The following PTPN14 variants were observed in gnomAD, a reference collection of about 807,000 sequenced individuals.
The protein encoded by PTPN14 is tyrosine-protein phosphatase non-receptor type 14.
PTPN14 carries 53 observed loss-of-function variants against 126.8 expected under a neutral mutation model. The ratio of observed to expected loss-of-function variants is 0.42; its 90% CI spans 0.34 to 0.53. The LOEUF (loss-of-function observed/expected upper bound fraction) is 0.53, where lower values mean the gene tolerates loss of function less well. PTPN14 is among the 20% of genes least tolerant of loss of function. PTPN14 has a pLI of 0.08. For missense variants in PTPN14, 1,257 were observed against 1,552.9 expected (o/e 0.81, Z 3.20); for synonymous variants, 630 against 599.3 (o/e 1.05, Z -0.75).
At chr1:214,445,930 C>A (rs1237850762) in intron 3 of PTPN14, among the ~76,000 whole-genome samples, 1 of 152,164 alleles carries the variant, frequency 6.6e-6, no homozygotes, top group Non-Finnish European at 1.5e-5. Flanking sequence ...TTACAAAAAT[C>A]TTTCCTTTGA....
At chr1:214,447,141 A>AC (rs1660161755) in intron 3 of PTPN14, among the ~76,000 whole-genome samples, 1 of 152,154 alleles carries the variant, frequency 6.6e-6, no homozygotes, top group Non-Finnish European at 1.5e-5. Flanking sequence ...CTGGAGAGTT[A>AC]GTCATTAACC....
At chr1:214,550,590 C>T (rs1022271098) in intron 1 of PTPN14, among the ~76,000 whole-genome samples, 4 of 152,184 alleles carry the variant, frequency 2.6e-5, no homozygotes. Flanking sequence ...GAGGTGAAGA[C>T]CTGATCTGAA....
chr1:214,403,090 T>G, intron 5 of PTPN14, 137 bp from the exon 6 acceptor site: 1 of 770,144 alleles, frequency 1.3e-6, no homozygotes, highest in Non-Finnish European at 2.1e-6. Flanking sequence ...GCTGTAGAAT[T>G]AAAGGTTGTA....
intron 3 of PTPN14, among the ~76,000 whole-genome samples, chr1:214,415,800 G>A (rs1659414137): frequency 6.6e-6 from 1 of 152,086 alleles, no homozygotes; most frequent in Admixed American, 6.6e-5. Context: ...GTACTAAACA[G>A]GATAAAGACA....
chr1:214,406,462 CAG>C (rs1346318021), intron 5 of PTPN14, among the ~76,000 whole-genome samples: 1 of 144,510 alleles, frequency 6.9e-6, no homozygotes, highest in Non-Finnish European at 1.5e-5. Flanking sequence ...GCCTGGGTGA[CAG>C]AGCGAGATTG....
At chr1:214,494,045 C>T (rs1468830556) in intron 1 of PTPN14, among the ~76,000 whole-genome samples, 1 of 151,968 alleles carries the variant, frequency 6.6e-6, no homozygotes, top group East Asian at 1.9e-4. Flanking sequence ...TCCTTAGTGC[C>T]TTCCTTTTCC....
chr1:214,367,859 C>T lies in PTPN14; in HGVS notation c.3271+1598G>A, dbSNP rs146386255. On this transcript the variant is annotated intron_variant, in intron 17 of 18. Transcript: ENST00000366956. ...GAGTACGTCGGAAGTGAAGACTGAA[C>T]TCAGTGTCATCTCTGCATTCTCAGA... Among the ~76,000 whole-genome samples the T allele has an allele frequency of 5.9e-3, 906 of 152,340 alleles. 12 individuals are homozygous for T. The highest frequency in any genetic ancestry group is 0.021 in the African/African-American group (854 of 41,572).
chr1:214,521,530 T>C (rs1655254347), intron 1 of PTPN14, among the ~76,000 whole-genome samples: 1 of 152,170 alleles, frequency 6.6e-6, no homozygotes, highest in African/African-American at 2.4e-5. Flanking sequence ...CTGGCTAACA[T>C]GGTGAAACCC....
intron 3 of PTPN14, among the ~76,000 whole-genome samples, chr1:214,419,698 A>G (rs1659501147): frequency 6.6e-6 from 1 of 152,136 alleles, no homozygotes; most frequent in Admixed American, 6.5e-5. Context: ...CAAAAAAAAG[A>G]GGGAAAAGAG....
intron 2 of PTPN14, among the ~76,000 whole-genome samples, chr1:214,455,575 T>G (rs1158625879): frequency 6.6e-6 from 1 of 152,152 alleles, no homozygotes; most frequent in Non-Finnish European, 1.5e-5. Context: ...ATAAGTTTAC[T>G]GCAATGATGA....
chr1:214,517,181 C>T (rs750892900), intron 1 of PTPN14, among the ~76,000 whole-genome samples: 1 of 152,184 alleles, frequency 6.6e-6, no homozygotes, highest in Non-Finnish European at 1.5e-5. Context: ...GCACAGCTAC[C>T]TCCTTCTGCC....
intron 10 of PTPN14, among the ~76,000 whole-genome samples, chr1:214,392,769 T>C (rs1413693080): frequency 1.3e-5 from 2 of 152,142 alleles, no homozygotes; most frequent in African/African-American, 2.4e-5. Context: ...CAGTGACCAA[T>C]TGCAGTGACT....
chr1:214,409,471 T>C (rs1037828884), intron 5 of PTPN14, among the ~76,000 whole-genome samples: 8 of 152,226 alleles, frequency 5.3e-5, no homozygotes, highest in African/African-American at 1.9e-4. Context: ...GATCTGCTAG[T>C]GAGAACTTAG....
In PTPN14 at chr1:214,356,042, T is replaced by A. The variant is rs1571946262; in HGVS notation, c.*1880A>T. 6.7e-6 allele frequency: 1 copy of A among 148,920 alleles called. No individual in the cohort carries two copies. Among genetic ancestry groups the A allele is most frequent in the African/African-American group, 2.5e-5 (1 of 40,094 alleles). 9.2% of individuals were successfully genotyped at this position (148,920 alleles called of 1,614,324 possible). ...GGCAAGATCACGGCTCACTGCAGTC[T>A]CGAATTCTTAGAATCAGGTGATCCT... On this transcript the variant is annotated 3_prime_UTR_variant, in exon 19 of 19. Coordinates refer to ENST00000366956, the MANE Select transcript of PTPN14 (RefSeq NM_005401.5).
intron 15 of PTPN14, among the ~76,000 whole-genome samples, chr1:214,374,231 T>A (rs1278699085): frequency 1.3e-5 from 2 of 152,258 alleles, no homozygotes; most frequent in African/African-American, 4.8e-5. Context: ...TAAAACTGTA[T>A]GCTAACTTGG....
intron 1 of PTPN14, among the ~76,000 whole-genome samples, chr1:214,473,023 C>T (rs751172992): frequency 6.6e-6 from 1 of 152,156 alleles, no homozygotes; most frequent in East Asian, 1.9e-4. Flanking sequence ...ATACAGAAAA[C>T]CTTCAGGCAC....
intron 1 of PTPN14, among the ~76,000 whole-genome samples, chr1:214,521,671 C>T (rs959354194): frequency 6.6e-6 from 1 of 151,916 alleles, no homozygotes; most frequent in Non-Finnish European, 1.5e-5. Context: ...GCCGAGATAG[C>T]GCCACTGCAT....
intron 3 of PTPN14, among the ~76,000 whole-genome samples, chr1:214,443,120 G>A (rs1174990121): frequency 6.6e-6 from 1 of 152,168 alleles, no homozygotes; most frequent in Non-Finnish European, 1.5e-5. Flanking sequence ...ACCGCGCCCA[G>A]CCTAACTGCA....
chr1:214,498,136 T>C lies in PTPN14; in HGVS notation c.-154-33179A>G, dbSNP rs1174702438. Among the ~76,000 whole-genome samples the C allele has an allele frequency of 3.9e-5, 6 of 152,240 alleles. No homozygotes were observed. In the South Asian group the frequency reaches 1.2e-3, roughly 32 times the overall value. On this transcript the variant is annotated intron_variant, in intron 1 of 18. Coordinates refer to ENST00000366956, the MANE Select transcript of PTPN14 (RefSeq NM_005401.5). ...AAAGTACTGGGGGAAGTATTTCTTA[T>C]TTAAAACTAAGAAAACAGTATCTAC...
Sources: gnomAD v4.1 joint callset for allele counts (sites outside exome capture counted in the v4.1 genomes callset) on GRCh38, gnomAD v4.1.1 for gene constraint, MANE v1.5 for transcripts, NCBI Gene and HGNC (gene_info 2026-07-23, HGNC 2026-07-21) for gene names.